The following NBAS variants were observed in gnomAD, a reference collection of about 807,000 sequenced individuals.
The protein encoded by NBAS is NBAS subunit of NRZ tethering complex.
NBAS carries 219 observed loss-of-function variants against 302.5 expected under a neutral mutation model. The ratio of observed to expected loss-of-function variants is 0.72; its 90% CI spans 0.65 to 0.81. NBAS has a LOEUF of 0.81. NBAS is among the 30% of genes least tolerant of loss of function. The pLI is 0.00. For missense variants in NBAS, 2,932 were observed against 2,841.6 expected (o/e 1.03, Z -0.72); for synonymous variants, 1,118 against 1,021.6 (o/e 1.09, Z -1.80).
intron 38 of NBAS, among the ~76,000 whole-genome samples, chr2:15,325,176 G>T (rs1385367416): frequency 6.6e-6 from 1 of 152,098 alleles, no homozygotes; most frequent in Non-Finnish European, 1.5e-5. Flanking sequence ...TCACATACAT[G>T]TACAAGCATA....
chr2:15,061,786 G>C, the NBAS span, among the ~76,000 whole-genome samples: 1 of 152,216 alleles, frequency 6.6e-6, no homozygotes, highest in African/African-American at 2.4e-5. Context: ...CCATTTGTTT[G>C]CCAAATCCCT....
the NBAS span, among the ~76,000 whole-genome samples, chr2:15,034,006 GAAGAA>G: frequency 4.3e-5 from 2 of 46,548 alleles, no homozygotes; most frequent in East Asian, 2.6e-3. Context: ...AGAAGAAGAA[GAAGAA>G]GAAGAAGAAG....
chr2:14,834,393 C>T, the NBAS span, among the ~76,000 whole-genome samples: 3 of 152,142 alleles, frequency 2.0e-5, no homozygotes, highest in Non-Finnish European at 4.4e-5. Flanking sequence ...GCTCTCTCAG[C>T]TTTCAAGGCC....
chr2:15,050,861 T>C, the NBAS span, among the ~76,000 whole-genome samples: 9 of 152,086 alleles, frequency 5.9e-5, no homozygotes, highest in South Asian at 1.9e-3. Flanking sequence ...CACAGAGCTG[T>C]AGGGATGAAA....
intron 38 of NBAS, among the ~76,000 whole-genome samples, chr2:15,326,436 G>A (rs775963925): frequency 1.3e-5 from 2 of 152,102 alleles, no homozygotes; most frequent in Non-Finnish European, 2.9e-5. Flanking sequence ...CAAATAATAG[G>A]TCCACATCCA....
At chr2:14,806,646 C>A in the NBAS span, among the ~76,000 whole-genome samples, 109 of 152,218 alleles carry the variant, frequency 7.2e-4, no homozygotes, top group African/African-American at 2.6e-3. Context: ...CCCCCGAAAA[C>A]CCAATTTTAG....
rs76516243 is a variant in NBAS, at chr2:15,509,288, G to A, written c.885+1924C>T. ...TCTATGTTCAGTTATTATGCTCTAT[G>A]GTGCCTTAGGCTCCTTATTTGTGAA... is the stretch of plus-strand genomic sequence containing the variant. On this transcript the variant is annotated intron_variant, in intron 10 of 51. Transcript: ENST00000281513. Among the ~76,000 whole-genome samples, 982 of 152,158 alleles carry A rather than the reference G, an allele frequency of 6.5e-3. 13 individuals are homozygous for A. Among genetic ancestry groups the A allele is most frequent in the South Asian group, 6.6e-3 (32 of 4,814 alleles).
the NBAS span, among the ~76,000 whole-genome samples, chr2:15,026,834 A>G: frequency 1.3e-5 from 2 of 152,204 alleles, no homozygotes; most frequent in African/African-American, 4.8e-5. Context: ...AATATGGCTT[A>G]AGATGTGTGT....
At chr2:15,244,863 C>A (rs1668019338) in intron 44 of NBAS, among the ~76,000 whole-genome samples, 1 of 152,148 alleles carries the variant, frequency 6.6e-6, no homozygotes, top group Admixed American at 6.5e-5. Flanking sequence ...CTCTATGCTT[C>A]TCAACCCCCT....
intron 35 of NBAS, among the ~76,000 whole-genome samples, chr2:15,348,998 C>T (rs1673226355): frequency 6.6e-6 from 1 of 152,126 alleles, no homozygotes; most frequent in Non-Finnish European, 1.5e-5. Flanking sequence ...GATAAGAGCA[C>T]AAGACAAGCA....
intron 35 of NBAS, among the ~76,000 whole-genome samples, chr2:15,331,728 T>C (rs1383604273): frequency 6.6e-6 from 1 of 152,208 alleles, no homozygotes; most frequent in Non-Finnish European, 1.5e-5. Flanking sequence ...CTCACTCTTT[T>C]AGATCAAGCT....
At chr2:15,156,619 C>T in the NBAS span, among the ~76,000 whole-genome samples, 1 of 152,168 alleles carries the variant, frequency 6.6e-6, no homozygotes, top group Non-Finnish European at 1.5e-5. Context: ...TTCGTGACGG[C>T]TCCATTCACG....
intron 23 of NBAS, among the ~76,000 whole-genome samples, chr2:15,419,696 T>C (rs1677117156): frequency 6.6e-6 from 1 of 151,982 alleles, no homozygotes; most frequent in South Asian, 2.1e-4. Context: ...CCAAAGTACA[T>C]GTACTTGGTT....
At chr2:14,863,676 T>A in the NBAS span, among the ~76,000 whole-genome samples, 1 of 152,224 alleles carries the variant, frequency 6.6e-6, no homozygotes, top group East Asian at 1.9e-4. Context: ...TAGTTCCGGC[T>A]CAGAGGCCTG....
At chr2:14,807,333 A>G in the NBAS span, among the ~76,000 whole-genome samples, 1 of 152,238 alleles carries the variant, frequency 6.6e-6, no homozygotes, top group East Asian at 1.9e-4. Flanking sequence ...TTGTAAAGCT[A>G]TTTTCATAAA....
At chr2:15,255,645 T>C (rs942751995) in intron 44 of NBAS, among the ~76,000 whole-genome samples, 1 of 152,224 alleles carries the variant, frequency 6.6e-6, no homozygotes, top group Non-Finnish European at 1.5e-5. Context: ...TAGAAGAGTT[T>C]TTCCAACGTT....
chr2:15,323,524 G>A (rs1259723705), intron 38 of NBAS, among the ~76,000 whole-genome samples: 1 of 152,128 alleles, frequency 6.6e-6, no homozygotes, highest in Non-Finnish European at 1.5e-5. Context: ...TCTTCACTAT[G>A]GTTTCACAAC....
chr2:14,867,403 G>A, the NBAS span, among the ~76,000 whole-genome samples: 1 of 152,164 alleles, frequency 6.6e-6, no homozygotes, highest in African/African-American at 2.4e-5. Context: ...CTTGGGGTAA[G>A]ACCTGAGCAA....
At chr2:14,883,102 A>C in the NBAS span, among the ~76,000 whole-genome samples, 1 of 152,366 alleles carries the variant, frequency 6.6e-6, no homozygotes, top group South Asian at 2.1e-4. Context: ...GCATTTGCTT[A>C]ATTTCACATT....
Sources: allele counts gnomAD v4.1 joint callset (sites outside exome capture counted in the v4.1 genomes callset), GRCh38; gene constraint gnomAD v4.1.1; transcripts MANE v1.5; gene names NCBI Gene and HGNC (gene_info 2026-07-23, HGNC 2026-07-21).